The following ANKRD26 variants were observed in gnomAD, a reference collection of about 807,000 sequenced individuals.
ANKRD26 encodes ankyrin repeat domain-containing protein 26.
In ANKRD26, 141 loss-of-function variants were observed where a neutral mutation model predicts 208.7. That is an observed-to-expected ratio of 0.68 (90% CI 0.59 to 0.78). ANKRD26 has a LOEUF of 0.78. Among genes scored for constraint, ANKRD26 ranks in the 30% least tolerant of loss-of-function variants. The pLI is 0.00. For synonymous variants in ANKRD26, 636 were observed against 660.4 expected (o/e 0.96, Z 0.57); for missense variants, 1,889 against 1,938.7 (o/e 0.97, Z 0.48).
At chr10:26,959,573 C>T in the ANKRD26 span, among the ~76,000 whole-genome samples, 1 of 150,768 alleles carries the variant, frequency 6.6e-6, no homozygotes, top group Non-Finnish European at 1.5e-5. Context: ...AGAGAGAAAG[C>T]AATATAAATT....
At chr10:27,044,723 A>G (rs2054381557) in intron 18 of ANKRD26, among the ~76,000 whole-genome samples, 1 of 152,182 alleles carries the variant, frequency 6.6e-6, no homozygotes, top group East Asian at 1.9e-4. Context: ...TTTTAATCCT[A>G]ACAATAATTC....
chr10:27,089,046 A>C (rs1589371343), intron 4 of ANKRD26, among the ~76,000 whole-genome samples: 1 of 152,312 alleles, frequency 6.6e-6, no homozygotes, highest in East Asian at 1.9e-4. Context: ...TGTGAACTGA[A>C]AAAAAGTCCT....
At chr10:27,064,610 G>A (rs1011846420) in intron 11 of ANKRD26, among the ~76,000 whole-genome samples, 10 of 152,246 alleles carry the variant, frequency 6.6e-5, no homozygotes, top group African/African-American at 1.9e-4. Context: ...TCTGGAGTAT[G>A]CCCTGTTAAG....
chr10:26,972,836 C>T (rs564465200), downstream of ANKRD26, among the ~76,000 whole-genome samples: 103 of 152,080 alleles, frequency 6.8e-4, no homozygotes, highest in African/African-American at 2.3e-3. Context: ...GTGATCTGCC[C>T]GCCTCAGCCT....
chr10:27,022,224 G>A (rs1362833606), intron 29 of ANKRD26, among the ~76,000 whole-genome samples: 1 of 152,078 alleles, frequency 6.6e-6, no homozygotes, highest in East Asian at 1.9e-4. Context: ...TGAGAACACA[G>A]GGACACACGG....
At chr10:27,099,930 G>A (rs1194025418) in intron 1 of ANKRD26, among the ~76,000 whole-genome samples, 155 bp downstream of exon 1, 1 of 152,140 alleles carries the variant, frequency 6.6e-6, no homozygotes, top group Non-Finnish European at 1.5e-5. Flanking sequence ...CAGAAAGGCG[G>A]CCTGGGCGCT....
intron 9 of ANKRD26, 108 bp downstream of exon 9, chr10:27,077,230 C>CATA: frequency 1.1e-5 from 11 of 994,010 alleles, no homozygotes; most frequent in Non-Finnish European, 1.6e-5. Context: ...ATCACATAAA[C>CATA]ATAATTAGAA....
rs189494780 is a variant in ANKRD26, at chr10:27,059,600, C to G, written c.1564+745G>C. 1.6e-3 allele frequency among the ~76,000 whole-genome samples: 241 copies of G among 152,236 alleles called. 2 individuals carry two copies. The highest frequency in any genetic ancestry group is 2.5e-4 in the Non-Finnish European group (17 of 68,010). On this transcript the variant is annotated intron_variant, in intron 15 of 33. Coordinates refer to ENST00000376087, the MANE Select transcript of ANKRD26 (RefSeq NM_014915.3). ...GAATTGTTGTTTTAAAAGACTATGT[C>G]TACCAAATAGTAATTAAAAATAATT...
At chr10:27,083,365 A>T (rs2055998598) in intron 5 of ANKRD26, among the ~76,000 whole-genome samples, 1 of 127,656 alleles carries the variant, frequency 7.8e-6, no homozygotes, top group Non-Finnish European at 1.8e-5. Flanking sequence ...TTCTTAAATG[A>T]AAAAAAAAAT....
At chr10:26,964,909 T>C in the ANKRD26 span, among the ~76,000 whole-genome samples, 4 of 152,192 alleles carry the variant, frequency 2.6e-5, no homozygotes, top group African/African-American at 7.2e-5. Flanking sequence ...AGATAAACTT[T>C]GATAGTGAGC....
chr10:26,969,486 C>G (rs1296640912), downstream of ANKRD26, among the ~76,000 whole-genome samples: 1 of 152,158 alleles, frequency 6.6e-6, no homozygotes, highest in Non-Finnish European at 1.5e-5. Context: ...GTTCATTGCT[C>G]TCTCACCAAT....
downstream of ANKRD26, among the ~76,000 whole-genome samples, chr10:27,002,382 G>A (rs924931762): frequency 2.0e-5 from 3 of 152,202 alleles, no homozygotes; most frequent in Admixed American, 1.3e-4. Flanking sequence ...GGTGGAGTTT[G>A]CACGTTCTCC....
intron 12 of ANKRD26, chr10:27,062,342 G>A (rs2055088676): frequency 1.9e-6 from 1 of 540,062 alleles, no homozygotes; most frequent in Non-Finnish European, 2.4e-6. Flanking sequence ...ATTGTCCAAT[G>A]ACGCTTCTTT....
intron 6 of ANKRD26, 119 bp downstream of exon 6, chr10:27,082,684 C>T: frequency 1.4e-6 from 2 of 1,390,718 alleles, no homozygotes; most frequent in Non-Finnish European, 1.9e-6. Flanking sequence ...CTTTGCAAAG[C>T]TGTTGGGACG....
chr10:27,023,950 G>A (rs559720038), intron 28 of ANKRD26, among the ~76,000 whole-genome samples: 1 of 119,660 alleles, frequency 8.4e-6, no homozygotes, highest in Non-Finnish European at 1.9e-5. Flanking sequence ...CATGGGAAAT[G>A]AGTAAATTTT....
Position 27,017,737 on chromosome 10 carries a change from T to C in ANKRD26, c.4271A>G (p.Asp1424Gly). The C allele has an allele frequency of 6.2e-7, 1 of 1,613,312 alleles. No homozygotes were observed. The highest frequency in any genetic ancestry group is 1.1e-5 in the South Asian group (1 of 90,956). Residue 1424 changes from aspartate (D) to glycine (G), a missense_variant, in exon 30 of 34, where the codon GAT becomes GGT. Coordinates refer to ENST00000376087, the MANE Select transcript of ANKRD26 (RefSeq NM_014915.3). ...ETAGSKCLHL[D>G]TKNQILQEEL... ...CTCTTGAAGAATTTGGTTCTTTGTA[T>C]CCAGATGTAGACATTTTGAACCTGC...
In ANKRD26 at chr10:27,066,551, A is replaced by G. The variant is rs201101040; in HGVS notation, c.1208-3T>C. 133 of 1,580,306 alleles carry G rather than the reference A, an allele frequency of 8.4e-5. No homozygotes were observed. In the East Asian group the frequency reaches 2.9e-3, roughly 35 times the overall value. On this transcript the variant is annotated splice_region_variant and splice_polypyrimidine_tract_variant and intron_variant, in intron 10 of 33. Transcript: ENST00000376087. ...TAATCCTAATGCGGACATCATATCT[A>G]TCAAATGTGATACACAGATATATTC... is the stretch of plus-strand genomic sequence containing the variant.
rs202187229 is a variant in ANKRD26 at position 27,046,410 on chromosome 10, C to T, written c.1928G>A (p.Gly643Asp). The T allele has an allele frequency of 1.6e-5, 26 of 1,614,086 alleles. 1 individual carries two copies. In the African/African-American group the frequency reaches 2.3e-4, roughly 14 times the overall value. ...GCTGTCATCATCCACTTGTAGCAGG[C>T]CACCAGTTAGTAAACTGGCCTTCCC... is the stretch of plus-strand genomic sequence containing the variant. ...VFGKASLLTG[G>D]LLQVDDDSSL... The change falls in exon 18 of 34, where the codon GGC becomes GAC. Residue 643 changes from glycine to aspartate, a missense_variant. Around this residue, in one of 3 missense-constraint regions of ANKRD26, gnomAD observed 1,272 missense variants for 1,273.8 expected, o/e 1.00. Coordinates refer to ENST00000376087, the MANE Select transcript of ANKRD26 (RefSeq NM_014915.3).
chr10:26,983,148 C>G (rs546647864), intron 3 of ANKRD26, among the ~76,000 whole-genome samples: 1 of 152,272 alleles, frequency 6.6e-6, no homozygotes, highest in East Asian at 1.9e-4. Flanking sequence ...GATAGCCATG[C>G]AGCTATCATT....
Sources: gnomAD v4.1 joint callset for allele counts (sites outside exome capture counted in the v4.1 genomes callset) on GRCh38, gnomAD v4.1.1 for gene constraint, gnomAD v4.1.1 regional missense constraint, MANE v1.5 for transcripts, NCBI Gene and HGNC (gene_info 2026-07-23, HGNC 2026-07-21) for gene names.